The following LEPROTL1 variants were observed in gnomAD, a reference collection of about 807,000 sequenced individuals.
The protein encoded by LEPROTL1 is leptin receptor overlapping transcript-like 1.
In LEPROTL1, 6 loss-of-function variants were observed where a neutral mutation model predicts 15.4. The ratio of observed to expected loss-of-function variants is 0.39; its 90% confidence interval spans 0.21 to 0.77. The LOEUF (loss-of-function observed/expected upper bound fraction) is 0.77. Ranked by LOEUF, LEPROTL1 falls within the 30% of genes least tolerant of loss-of-function variation. The pLI is 0.41. For missense variants in LEPROTL1, 128 were observed against 158.1 expected, an observed-to-expected ratio of 0.81 and a Z score of 1.02; for synonymous variants, 56 against 52.6, an observed-to-expected ratio of 1.06 and a Z score of -0.28.
intron 3 of LEPROTL1, among the ~76,000 whole-genome samples, chr8:30,124,602 T>G (rs1432730781): frequency 6.6e-6 from 1 of 152,168 alleles, no homozygotes; most frequent in Non-Finnish European, 1.5e-5. Flanking sequence ...GTGTTTAAAT[T>G]TCCCTATAAT....
At chr8:30,137,755 C>T (rs1182724849), downstream of LEPROTL1, 1 of 475,398 alleles carries the variant, frequency 2.1e-6, no homozygotes, top group Non-Finnish European at 3.7e-6. Context: ...AATCACAGAC[C>T]TTTCCCAAAA....
downstream of LEPROTL1, among the ~76,000 whole-genome samples, chr8:30,112,778 T>G (rs190545069): frequency 1.1e-4 from 17 of 152,214 alleles, no homozygotes; most frequent in Non-Finnish European, 7.4e-5. Context: ...GAGATTTAAA[T>G]GTAACCCACA....
At chr8:30,101,319 G>A (rs1802462589) in intron 1 of LEPROTL1, among the ~76,000 whole-genome samples, 1 of 152,218 alleles carries the variant, frequency 6.6e-6, no homozygotes, top group East Asian at 1.9e-4. Flanking sequence ...TTTAGAAAGG[G>A]AACCAGCGTC....
chr8:30,132,507 A>G (rs1585481535), intron 4 of LEPROTL1: 6 of 1,551,764 alleles, frequency 3.9e-6, no homozygotes, highest in African/African-American at 1.4e-5. Flanking sequence ...TGAAAAGCCC[A>G]GCTGTGGTCC....
downstream of LEPROTL1, among the ~76,000 whole-genome samples, chr8:30,109,027 A>G (rs1311416836): frequency 1.1e-5 from 1 of 88,172 alleles, no homozygotes; most frequent in Non-Finnish European, 2.4e-5. Flanking sequence ...CCCCCCTCAA[A>G]CCACCCCCCC....
At chr8:30,117,178 T>C (rs536934026) in intron 3 of LEPROTL1, among the ~76,000 whole-genome samples, 65 of 152,234 alleles carry the variant, frequency 4.3e-4, no homozygotes, top group Middle Eastern at 3.4e-3. Flanking sequence ...TTACTAATTA[T>C]GGTAATGAAA....
intron 4 of LEPROTL1, chr8:30,132,568 G>A (rs748914303): frequency 6.4e-7 from 1 of 1,551,710 alleles, no homozygotes; most frequent in South Asian, 1.2e-5. Flanking sequence ...TCCCGCTCCT[G>A]CATCCACCAC....
chr8:30,132,629 T>G lies in LEPROTL1; in HGVS notation c.394+140T>G, dbSNP rs149781890. Reference sequence around the variant, plus strand: ...TCTAGTCCAAGAATCTGCAGACCCCTCCAGCTCAGAGCCCAGAAAGAGTGT... The same window carrying G: ...TCTAGTCCAAGAATCTGCAGACCCCGCCAGCTCAGAGCCCAGAAAGAGTGT... On this transcript the variant is annotated intron_variant, in intron 4 of 4. Coordinates refer to the LEPROTL1 transcript ENST00000442880. 5 of 1,551,650 alleles carry G rather than the reference T, an allele frequency of 3.2e-6. No individual in the cohort carries two copies. The African/African-American group carries it at 6.8e-5, about 21-fold the overall frequency.
At chr8:30,095,685 C>G (rs992598682) in intron 1 of LEPROTL1, 157 bp downstream of exon 1, 2 of 740,426 alleles carry the variant, frequency 2.7e-6, no homozygotes, top group Non-Finnish European at 4.4e-6. Context: ...GCGCTTGGCC[C>G]GGAGGTGGGC....
At chr8:30,101,800 T>G (rs1802471928) in intron 1 of LEPROTL1, 98 bp from the exon 2 acceptor site, 1 of 706,702 alleles carries the variant, frequency 1.4e-6, no homozygotes, top group Non-Finnish European at 2.4e-6. Flanking sequence ...GTTTTAGGGA[T>G]TTTTGCTTCT....
intron 4 of LEPROTL1, chr8:30,132,649 G>A: frequency 6.4e-7 from 1 of 1,551,780 alleles, no homozygotes; most frequent in East Asian, 2.4e-5. Context: ...AGCCCAGAAA[G>A]AGTGTCTGGG....
chr8:30,118,757 T>C (rs1047846673), intron 3 of LEPROTL1, among the ~76,000 whole-genome samples: 15 of 152,146 alleles, frequency 9.9e-5, no homozygotes, highest in African/African-American at 3.1e-4. Context: ...AGCAGGGTGA[T>C]AGTGGGGAGA....
chr8:30,133,029 T>G, intron 4 of LEPROTL1: 1 of 806,940 alleles, frequency 1.2e-6, no homozygotes. Flanking sequence ...ATTAATCTCA[T>G]GGCCTGCAGG....
intron 3 of LEPROTL1, chr8:30,132,118 T>C: frequency 1.3e-6 from 2 of 1,551,678 alleles, no homozygotes; most frequent in Middle Eastern, 1.7e-4. Context: ...GAGGGTTCTA[T>C]AGAACAGCCT....
intron 3 of LEPROTL1, among the ~76,000 whole-genome samples, chr8:30,119,800 G>T (rs973099976): frequency 1.3e-5 from 2 of 152,090 alleles, no homozygotes; most frequent in Non-Finnish European, 2.9e-5. Context: ...TGGGCCTGGC[G>T]GCTCATGTCT....
At chr8:30,121,565 A>T (rs1036426893) in intron 3 of LEPROTL1, among the ~76,000 whole-genome samples, 1 of 151,992 alleles carries the variant, frequency 6.6e-6, no homozygotes, top group Non-Finnish European at 1.5e-5. Flanking sequence ...AGATATTGTT[A>T]ATAAAATAAA....
At chr8:30,101,207 A>T (rs1004248175) in intron 1 of LEPROTL1, among the ~76,000 whole-genome samples, 2 of 152,210 alleles carry the variant, frequency 1.3e-5, no homozygotes, top group African/African-American at 2.4e-5. Context: ...AAACTTGAGC[A>T]TGTGGAGTTT....
At chr8:30,096,262 C>A in intron 1 of LEPROTL1, 2 of 963,810 alleles carry the variant, frequency 2.1e-6, no homozygotes, top group Non-Finnish European at 2.5e-6. Flanking sequence ...CTGGCTTATT[C>A]ATGTATTTTC....
downstream of LEPROTL1, among the ~76,000 whole-genome samples, chr8:30,113,388 C>A (rs3735989): frequency 6.6e-6 from 1 of 151,910 alleles, no homozygotes; most frequent in East Asian, 1.9e-4. Context: ...CATACGGGAT[C>A]GTATTGAAGA....
Sources: allele counts gnomAD v4.1 joint callset (sites outside exome capture counted in the v4.1 genomes callset), GRCh38; gene constraint gnomAD v4.1.1; transcripts MANE v1.5; gene names NCBI Gene and HGNC (gene_info 2026-07-23, HGNC 2026-07-21).